The following XYLT2 variants were observed in gnomAD, a reference collection of about 807,000 sequenced individuals.
XYLT2 encodes the protein xylosyltransferase 2.
Under a neutral mutation model 82.6 loss-of-function variants are expected in XYLT2, and 37 were observed. The ratio of observed to expected loss-of-function variants is 0.45; its 90% CI spans 0.34 to 0.59. The LOEUF is 0.59. Ranked by LOEUF, XYLT2 falls within the 20% of genes least tolerant of loss-of-function variation. The probability of loss-of-function intolerance (pLI) is 0.01; values close to 1 mark genes in which losing one functional copy is unlikely to be tolerated. For synonymous variants in XYLT2, 474 were observed against 499.0 expected (o/e 0.95, Z 0.67); for missense variants, 934 against 1,181.3 (o/e 0.79, Z 3.07).
chr17:50,351,590 C>T (rs1176321613), intron 1 of XYLT2, among the ~76,000 whole-genome samples: 4 of 151,980 alleles, frequency 2.6e-5, no homozygotes, highest in Admixed American at 1.3e-4. Context: ...GCCAAGATTG[C>T]GCCACTGCAC....
At position 50,346,377 on chromosome 17, in the gene XYLT2, C is replaced by T. The variant is rs1196562727; in HGVS notation, c.135+102C>T. The T allele has an allele frequency of 2.1e-6, 2 of 975,188 alleles. No individual in the cohort carries two copies. The highest frequency in any genetic ancestry group is 2.4e-6 in the Non-Finnish European group (2 of 820,368). The allele number at this position is 975,188 out of a possible 1,614,324, so 60.4% of individuals were successfully genotyped here. A position where few individuals can be genotyped will look rare whatever the true frequency, so the allele number is the denominator to read the frequency against. ...AGCCGGGGAAGTGGGGCACGGGCCG[C>T]GTGCGTGCGTGCGGGGCGCCGGCGG... On this transcript the variant is annotated intron_variant, in intron 1 of 10. Coordinates refer to ENST00000017003, the MANE Select transcript of XYLT2 (RefSeq NM_022167.4). The surrounding 1 kb of genome is among the most constrained non-coding windows in gnomAD (Gnocchi z 5.1).
intron 3 of XYLT2, 85 bp from the exon 4 acceptor site, chr17:50,354,769 G>A (rs765581410): frequency 6.3e-5 from 100 of 1,585,158 alleles, no homozygotes; most frequent in Admixed American, 1.2e-4. Context: ...TGCTTTCCTC[G>A]TCTTGTGTCC....
intron 10 of XYLT2, chr17:50,358,872 T>A (rs1034451493): frequency 1.3e-5 from 3 of 238,634 alleles, no homozygotes; most frequent in Admixed American, 9.8e-5. Context: ...GACCTCCTGG[T>A]TCATGCAACA....
Position 50,360,567 on chromosome 17 carries a change from T to C in XYLT2, c.*276T>C, listed in dbSNP as rs1048006830. On this transcript the variant is annotated 3_prime_UTR_variant, in exon 11 of 11. Transcript: ENST00000017003. ...TTCCTGTCTAGTTTGAATTTCTTTT[T>C]TTTCTTTTTTTTTTTTTTTTTTTAA... 569 of 1,081,000 alleles carry C rather than the reference T, an allele frequency of 5.3e-4. No individual in the cohort carries two copies. Among genetic ancestry groups the C allele is most frequent in the African/African-American group, 1.6e-3 (71 of 44,212 alleles). The allele number at this position is 1,081,000 out of a possible 1,614,324, so 67.0% of individuals were successfully genotyped here.
intron 3 of XYLT2, 74 bp downstream of exon 3, chr17:50,354,657 C>T: frequency 1.3e-6 from 2 of 1,537,876 alleles, no homozygotes; most frequent in Non-Finnish European, 1.7e-6. Context: ...CAGACAGAGT[C>T]TCTGACCTGG....
At position 50,353,695 on chromosome 17, in the gene XYLT2, A is replaced by G; in HGVS notation, c.201A>G (p.Ser67=). 6.4e-7 allele frequency: 1 copy of G among 1,563,736 alleles called. No individual in the cohort carries two copies. The highest frequency in any genetic ancestry group is 1.7e-4 in the Middle Eastern group (1 of 6,004). The change falls in exon 2 of 11, where the codon TCA becomes TCG. Residue 67 remains serine, a synonymous_variant. Transcript: ENST00000017003. ...AGGGTTCCAAGGACACAGACAGTTCAGCAGGGCGACGGGGCAGCACAGGCA... is the reference window on the plus strand; with the variant it reads ...AGGGTTCCAAGGACACAGACAGTTCGGCAGGGCGACGGGGCAGCACAGGCA... The part of the protein sequence containing the change: ...PGEGSKDTDS[S]AGRRGSTGRR...
In XYLT2 at chr17:50,360,330, T is replaced by C; in HGVS notation, c.*39T>C. ...AGTACCCGTGGAGGACCCGGGAAAT[T>C]GCACCTTACAGACAGTGGAGGGGTG... On this transcript the variant is annotated 3_prime_UTR_variant, in exon 11 of 11. Transcript: ENST00000017003. 1 of 1,524,732 alleles carries C rather than the reference T, an allele frequency of 6.6e-7. No homozygotes were observed. Among genetic ancestry groups the C allele is most frequent in the Admixed American group, 2.1e-5 (1 of 48,542 alleles). The allele number at this position is 1,524,732 out of a possible 1,614,324, so 94.5% of individuals were successfully genotyped here.
At position 50,360,727 on chromosome 17, in the gene XYLT2, C is replaced by G; in HGVS notation, c.*436C>G. The G allele has an allele frequency of 1.0e-6, 1 of 989,388 alleles. No individual in the cohort carries two copies. The highest frequency in any genetic ancestry group is 1.2e-6 in the Non-Finnish European group (1 of 832,570). The allele number at this position is 989,388 out of a possible 1,614,324, so 61.3% of individuals were successfully genotyped here. A position where few individuals can be genotyped will look rare whatever the true frequency, so the allele number is the denominator to read the frequency against. On this transcript the variant is annotated 3_prime_UTR_variant, in exon 11 of 11. Coordinates refer to ENST00000017003, the MANE Select transcript of XYLT2 (RefSeq NM_022167.4). ...TGAGCCCACCTGCTATTGTTCTGCA[C>G]GAGGCTGGGCCTGCCTCACTCTCCA... is the stretch of plus-strand genomic sequence containing the variant.
In XYLT2 at chr17:50,355,879, A is replaced by C. The variant is rs1434294908; in HGVS notation, c.1187A>C (p.Asp396Ala). 1.2e-6 allele frequency: 2 copies of C among 1,614,202 alleles called. No individual in the cohort carries two copies. Among genetic ancestry groups the C allele is most frequent in the Middle Eastern group, 3.3e-4 (2 of 6,062 alleles). ...CAGATCCCAGCAGGCATTGTGGTGGATGGCGGTTCTGACTGGTTCGTGCTG... is the reference window on the plus strand; with the variant it reads ...CAGATCCCAGCAGGCATTGTGGTGGCTGGCGGTTCTGACTGGTTCGTGCTG... The part of the protein sequence containing the change: ...ERQIPAGIVV[D>A]GGSDWFVLTR... Residue 396 changes from aspartate (D) to alanine (A), a missense_variant, in exon 6 of 11, where the codon GAT (aspartate) becomes GCT (alanine). Physicochemically the swap from Asp to Ala is moderately radical, Grantham distance 126. Coordinates refer to ENST00000017003, the MANE Select transcript of XYLT2 (RefSeq NM_022167.4).
In XYLT2 at chr17:50,354,983, C is replaced by T. The variant is rs761643084; in HGVS notation, c.934C>T (p.Arg312Trp). 23 of 1,564,992 alleles carry T rather than the reference C, an allele frequency of 1.5e-5. No individual in the cohort carries two copies. Among genetic ancestry groups the T allele is most frequent in the Admixed American group, 3.7e-5 (2 of 54,472 alleles). The change falls in exon 4 of 11, where the codon CGG becomes TGG. Residue 312 changes from arginine (R) to tryptophan (W), a missense_variant. Arg to Trp is a moderately radical substitution (Grantham distance 101). Coordinates refer to ENST00000017003, the MANE Select transcript of XYLT2 (RefSeq NM_022167.4). ...CCTGAGGATGTACCTGCGGAGCATG[C>T]GGGACCTGCTAGAGGTGCCTGGCTG... ...SLLRMYLRSM[R>W]DLLEVPGWAW...
intron 7 of XYLT2, 115 bp downstream of exon 7, chr17:50,356,376 C>CT: frequency 6.5e-7 from 1 of 1,550,170 alleles, no homozygotes. Flanking sequence ...TGCAGCAACC[C>CT]TCAGGGGTCT....
chr17:50,360,700 G>A lies in XYLT2; in HGVS notation c.*409G>A. The A allele has an allele frequency of 1.0e-6, 1 of 993,582 alleles. No individual in the cohort carries two copies. The highest frequency in any genetic ancestry group is 1.2e-6 in the Non-Finnish European group (1 of 835,698). 61.5% of individuals were successfully genotyped at this position (993,582 alleles called of 1,614,324 possible). A position where few individuals can be genotyped will look rare whatever the true frequency, so the allele number is the denominator to read the frequency against. On this transcript the variant is annotated 3_prime_UTR_variant, in exon 11 of 11. Coordinates refer to ENST00000017003, the MANE Select transcript of XYLT2 (RefSeq NM_022167.4). ...CCATGTCTGTGGGGAGCAGGGGCTT[G>A]CTGAGCCCACCTGCTATTGTTCTGC...
At chr17:50,358,772 C>A (rs564183679) in intron 10 of XYLT2, among the ~76,000 whole-genome samples, 106 of 152,340 alleles carry the variant, frequency 7.0e-4, no homozygotes, top group South Asian at 3.5e-3. Flanking sequence ...ATAACTCTCA[C>A]AAGTTCATTG....
At chr17:50,357,831 C>T (rs1355619921) in intron 9 of XYLT2, 4 of 203,300 alleles carry the variant, frequency 2.0e-5, no homozygotes, top group Non-Finnish European at 3.0e-5. Flanking sequence ...CCACCCGCCT[C>T]GGCCTCCCAG....
chr17:50,358,364 C>T lies in XYLT2; in HGVS notation c.2099C>T (p.Ser700Phe). Reference protein sequence around the residue: ...WIDPTYVVATSYDITVDTETE... With the variant: ...WIDPTYVVATFYDITVDTETE... ...GACCCAACCTATGTGGTGGCCACAT[C>T]TTATGACATCACAGTAGATACGGAG... The change falls in exon 10 of 11, where the codon TCT becomes TTT. Residue 700 changes from serine (S) to phenylalanine (F), a missense_variant. Physicochemically the swap from Ser to Phe is radical, Grantham distance 155. This residue lies in a region of XYLT2 where 374 missense variants were observed against 465.6 expected (regional missense o/e 0.80). Transcript: ENST00000017003. 1.2e-6 allele frequency: 2 copies of T among 1,614,118 alleles called. No individual in the cohort carries two copies. Among genetic ancestry groups the T allele is most frequent in the Non-Finnish European group, 8.5e-7 (1 of 1,180,030 alleles).
intron 1 of XYLT2, among the ~76,000 whole-genome samples, chr17:50,352,008 G>A (rs1423828288): frequency 2.0e-5 from 3 of 152,164 alleles, no homozygotes; most frequent in Non-Finnish European, 4.4e-5. Flanking sequence ...GTGGAGAGAG[G>A]AGAAAAGCCA....
chr17:50,351,932 A>T (rs1406471030), intron 1 of XYLT2, among the ~76,000 whole-genome samples: 1 of 152,154 alleles, frequency 6.6e-6, no homozygotes, highest in African/African-American at 2.4e-5. Context: ...AGGTGCTAGG[A>T]CAGGAAGGGC....
intron 3 of XYLT2, 101 bp from the exon 4 acceptor site, chr17:50,354,753 G>A: frequency 6.4e-7 from 1 of 1,567,358 alleles, no homozygotes; most frequent in Non-Finnish European, 8.7e-7. Flanking sequence ...CTGGAGCCCT[G>A]CCCTGTGCTT....
chr17:50,355,629 C>T, intron 5 of XYLT2, 48 bp downstream of exon 5: 1 of 1,606,428 alleles, frequency 6.2e-7, no homozygotes, highest in Non-Finnish European at 8.5e-7. Flanking sequence ...TTGTCCCAAC[C>T]CCTCCCACAC....
Sources: gnomAD v4.1 joint callset for allele counts (sites outside exome capture counted in the v4.1 genomes callset) on GRCh38, gnomAD v4.1.1 for gene constraint, gnomAD v4.1.1 regional missense constraint, Gnocchi (gnomAD v3.1) non-coding constraint, MANE v1.5 for transcripts, NCBI Gene and HGNC (gene_info 2026-07-23, HGNC 2026-07-21) for gene names.